The following CCSER2 variants were observed in gnomAD, a reference collection of about 807,000 sequenced individuals.
CCSER2 encodes coiled-coil serine rich protein 2, also known as serine-rich coiled-coil domain-containing protein 2.
CCSER2 carries 46 observed loss-of-function variants against 92.3 expected under a neutral mutation model. The ratio of observed to expected loss-of-function variants is 0.50; its 90% CI spans 0.39 to 0.64. The LOEUF (loss-of-function observed/expected upper bound fraction) is 0.64, where lower values mean the gene tolerates loss of function less well. CCSER2 is among the 30% of genes least tolerant of loss of function. The probability of loss-of-function intolerance (pLI) is 0.00; values close to 1 mark genes in which losing one functional copy is unlikely to be tolerated. For missense variants in CCSER2, 1,244 were observed against 1,238.9 expected, an observed-to-expected ratio of 1.00 and a Z score of -0.06; for synonymous variants, 433 against 431.4, an observed-to-expected ratio of 1.00 and a Z score of -0.04.
chr10:84,477,655 A>G lies in CCSER2; in HGVS notation c.2316A>G (p.Arg772=), dbSNP rs188860756. 1.3e-5 allele frequency: 21 copies of G among 1,592,128 alleles called. No individual in the cohort carries two copies. The East Asian group carries it at 4.0e-4, about 31-fold the overall frequency. The change falls in exon 9 of 10, where the codon AGA becomes AGG. Residue 772 remains arginine (R), a synonymous_variant. Transcript: ENST00000372088. ...YADKYTQTPW[R]RIPPQVLQPS... is the part of the protein sequence containing the mutation. ...ATAAATATACCCAAACACCCTGGAG[A>G]CGAATTCCTGTAAGTAACATTTGCT...
At chr10:84,464,078 C>A in intron 7 of CCSER2, 62 bp downstream of exon 7, 5 of 792,940 alleles carry the variant, frequency 6.3e-6, no homozygotes, top group South Asian at 3.3e-5. Flanking sequence ...AATAATGATA[C>A]AATGACAATG....
chr10:84,423,347 T>C (rs1843248789), intron 4 of CCSER2, among the ~76,000 whole-genome samples: 1 of 152,228 alleles, frequency 6.6e-6, no homozygotes, highest in Non-Finnish European at 1.5e-5. Flanking sequence ...AACATTAGTC[T>C]TTTGTGGTTA....
At chr10:84,476,678 C>T (rs1181766862) in intron 8 of CCSER2, among the ~76,000 whole-genome samples, 1 of 151,812 alleles carries the variant, frequency 6.6e-6, no homozygotes, top group South Asian at 2.1e-4. Context: ...CTCCTGACCT[C>T]GTGATCCGCC....
At chr10:84,354,243 C>A (rs983306868) in intron 1 of CCSER2, among the ~76,000 whole-genome samples, 2 of 123,006 alleles carry the variant, frequency 1.6e-5, no homozygotes, top group African/African-American at 5.2e-5. Flanking sequence ...TATGTTGTCT[C>A]AAGTTACTTT....
chr10:84,398,418 G>A (rs1349049762), intron 3 of CCSER2, among the ~76,000 whole-genome samples: 1 of 152,072 alleles, frequency 6.6e-6, no homozygotes, highest in Non-Finnish European at 1.5e-5. Flanking sequence ...TGCTTATCAG[G>A]AAAATTATTT....
chr10:84,371,353 A>G lies in CCSER2; in HGVS notation c.301A>G (p.Thr101Ala). ...AATTGATCCTGAAAAACGTGTTCCT[A>G]CTCAAGGAATGTTTGATAAAAATGG... Reference protein sequence around the residue: ...KIIDPEKRVPTQGMFDKNGIK... With the variant: ...KIIDPEKRVPAQGMFDKNGIK... Residue 101 changes from threonine to alanine, a missense_variant, in exon 2 of 10, where the codon ACT becomes GCT. Thr to Ala is a moderately conservative substitution (Grantham distance 58). Transcript: ENST00000372088. 6.2e-7 allele frequency: 1 copy of G among 1,613,682 alleles called. No individual in the cohort carries two copies. The highest frequency in any genetic ancestry group is 8.5e-7 in the Non-Finnish European group (1 of 1,179,814).
Position 84,441,739 on chromosome 10 carries a change from T to A in CCSER2, c.2064+3032T>A, listed in dbSNP as rs1350053816. Among the ~76,000 whole-genome samples the A allele has an allele frequency of 5.4e-3, 54 of 10,006 alleles. 1 individual carries two copies. The highest frequency in any genetic ancestry group is 8.7e-3 in the Non-Finnish European group (46 of 5,298). The allele number at this position is 10,006 out of a possible 152,430, so 6.6% of individuals were successfully genotyped here. A position where few individuals can be genotyped will look rare whatever the true frequency, so the allele number is the denominator to read the frequency against. ...TAAAGTAGAAGACTGGGAAAATGTT[T>A]TTTTTTTTTTTTTTTTTTTTTTTTT... On this transcript the variant is annotated intron_variant, in intron 6 of 9. Coordinates refer to ENST00000372088, the MANE Select transcript of CCSER2 (RefSeq NM_001284240.2).
chr10:84,385,080 A>G (rs1047474174), intron 3 of CCSER2, among the ~76,000 whole-genome samples: 1 of 152,000 alleles, frequency 6.6e-6, no homozygotes, highest in Non-Finnish European at 1.5e-5. Context: ...TTACAAGGAG[A>G]AGTACAAAAC....
intron 7 of CCSER2, among the ~76,000 whole-genome samples, chr10:84,468,749 T>G (rs1466417178): frequency 6.6e-6 from 1 of 150,962 alleles, no homozygotes; most frequent in African/African-American, 2.4e-5. Flanking sequence ...GATAACACCT[T>G]GTTATAGGTT....
intron 9 of CCSER2, among the ~76,000 whole-genome samples, chr10:84,505,456 C>T (rs1370858869): frequency 1.3e-5 from 2 of 152,072 alleles, no homozygotes; most frequent in African/African-American, 4.8e-5. Context: ...TAACAAGGCT[C>T]AATCTGATTG....
chr10:84,474,662 C>CAAAAAAAA (rs397844899), intron 8 of CCSER2, among the ~76,000 whole-genome samples: 1 of 65,852 alleles, frequency 1.5e-5, no homozygotes, highest in Non-Finnish European at 2.9e-5. Flanking sequence ...GACTCCATCT[C>CAAAAAAAA]AAAAAAAAAA....
At chr10:84,477,514 G>A (rs1057430141) in intron 8 of CCSER2, 61 bp from the exon 9 acceptor site, 1 of 796,320 alleles carries the variant, frequency 1.3e-6, no homozygotes, top group Non-Finnish European at 2.1e-6. Context: ...AGTTTCTCTT[G>A]TGTGTCTTGG....
At chr10:84,341,366 T>TTTTG (rs1844172269) in intron 1 of CCSER2, among the ~76,000 whole-genome samples, 1 of 149,686 alleles carries the variant, frequency 6.7e-6, no homozygotes, top group Admixed American at 6.7e-5. Context: ...TTTTTTTTTT[T>TTTTG]TAGAGGCGGA....
intron 6 of CCSER2, among the ~76,000 whole-genome samples, chr10:84,449,476 G>A (rs1845135306): frequency 1.3e-5 from 2 of 152,180 alleles, no homozygotes; most frequent in Admixed American, 1.3e-4. Flanking sequence ...TCTCTGTGCT[G>A]CAGTTTCCTA....
intron 9 of CCSER2, among the ~76,000 whole-genome samples, chr10:84,505,682 C>T (rs1012674960): frequency 3.3e-5 from 5 of 151,694 alleles, no homozygotes; most frequent in Admixed American, 6.6e-5. Flanking sequence ...TGTACCTTTT[C>T]GCAGCCAATT....
intron 9 of CCSER2, chr10:84,499,867 C>T (rs1466205494): frequency 5.0e-6 from 8 of 1,613,758 alleles, no homozygotes; most frequent in Non-Finnish European, 6.8e-6. Context: ...CCATCTCTCT[C>T]TGCACAGGGT....
chr10:84,342,564 A>C (rs1407017792), intron 1 of CCSER2, among the ~76,000 whole-genome samples: 1 of 152,176 alleles, frequency 6.6e-6, no homozygotes, highest in Non-Finnish European at 1.5e-5. Flanking sequence ...TGTTCACAGA[A>C]TAAACTCCAA....
intron 4 of CCSER2, 112 bp from the exon 5 acceptor site, chr10:84,425,618 AT>A (rs1843386788): frequency 3.0e-6 from 2 of 672,682 alleles, no homozygotes; most frequent in Admixed American, 3.9e-5. Flanking sequence ...AATGGCTGAT[AT>A]TTTTAAACTA....
At chr10:84,455,229 CT>C in intron 6 of CCSER2, 1 of 184,378 alleles carries the variant, frequency 5.4e-6, no homozygotes, top group Non-Finnish European at 1.2e-5. Context: ...CAGGTAATCC[CT>C]CCCACCTTGT....
Sources: allele counts gnomAD v4.1 joint callset (sites outside exome capture counted in the v4.1 genomes callset), GRCh38; gene constraint gnomAD v4.1.1; transcripts MANE v1.5; gene names NCBI Gene and HGNC (gene_info 2026-07-23, HGNC 2026-07-21).